Variants in DNAJC17 observed in about 807,000 individuals in gnomAD.
DNAJC17 encodes the protein DnaJ heat shock protein family (Hsp40) member C17, also known as dnaJ homolog subfamily C member 17.
Under a neutral mutation model 48.1 loss-of-function variants are expected in DNAJC17, and 35 were observed. The ratio of observed to expected loss-of-function variants is 0.73; its 90% CI spans 0.56 to 0.96. The LOEUF is 0.96. Among genes scored for constraint, DNAJC17 ranks in the 50% least tolerant of loss-of-function variants. DNAJC17 has a pLI of 0.00. For synonymous variants in DNAJC17, 117 were observed against 142.7 expected, an observed-to-expected ratio of 0.82 and a Z score of 1.28; for missense variants, 355 against 377.1, an observed-to-expected ratio of 0.94 and a Z score of 0.48.
At chr15:40,806,304 C>T (rs1044316246) in intron 1 of DNAJC17, among the ~76,000 whole-genome samples, 7 of 150,310 alleles carry the variant, frequency 4.7e-5, no homozygotes, top group Non-Finnish European at 8.9e-5. Flanking sequence ...CTGCAACCTC[C>T]GCCTCCCGGG....
At chr15:40,798,696 C>A (rs567888634) in intron 1 of DNAJC17, among the ~76,000 whole-genome samples, 30 of 152,086 alleles carry the variant, frequency 2.0e-4, no homozygotes, top group African/African-American at 7.2e-4. Context: ...GGAGTTGTGA[C>A]CAGAGGTGAC....
At position 40,799,094 on chromosome 15, in the gene DNAJC17, G is replaced by A. The variant is rs536949432; in HGVS notation, c.78+8275C>T. ...AAATTAGCCATGGTGGTGTGGTGGC[G>A]GGCGCCTGTAGTCCCAGCTACTCGG... On this transcript the variant is annotated intron_variant, in intron 1 of 10. Transcript: ENST00000220496. Among the ~76,000 whole-genome samples, 10 of 151,938 alleles carry A rather than the reference G, an allele frequency of 6.6e-5. 1 individual carries two copies. The highest frequency in any genetic ancestry group is 1.4e-4 in the African/African-American group (6 of 41,422).
At chr15:40,792,265 T>A (rs193257950) in intron 1 of DNAJC17, among the ~76,000 whole-genome samples, 2 of 152,202 alleles carry the variant, frequency 1.3e-5, no homozygotes, top group African/African-American at 4.8e-5. Context: ...GGTACCAAGA[T>A]AATAGCTAGC....
At chr15:40,783,692 G>A (rs1889564416) in intron 1 of DNAJC17, among the ~76,000 whole-genome samples, 1 of 150,926 alleles carries the variant, frequency 6.6e-6, no homozygotes, top group African/African-American at 2.4e-5. Context: ...GGTGAAACTT[G>A]TATCTACTAA....
At chr15:40,783,292 T>C (rs1889552991) in intron 1 of DNAJC17, among the ~76,000 whole-genome samples, 1 of 152,136 alleles carries the variant, frequency 6.6e-6, no homozygotes, top group African/African-American at 2.4e-5. Flanking sequence ...GACATCAAGG[T>C]TCATTAACAC....
intron 1 of DNAJC17, among the ~76,000 whole-genome samples, chr15:40,787,185 G>A (rs546256587): frequency 6.6e-6 from 1 of 152,320 alleles, no homozygotes; most frequent in Admixed American, 6.5e-5. Context: ...TACCTTAAAT[G>A]AGAGCATAAG....
In DNAJC17 at chr15:40,770,244, C is replaced by A; in HGVS notation, c.793-2182G>T. On this transcript the variant is annotated intron_variant, in intron 10 of 10. Coordinates refer to ENST00000220496, the MANE Select transcript of DNAJC17 (RefSeq NM_018163.3). This position sits in a 1 kb window ranked among gnomAD's most constrained non-coding sequence, Gnocchi z 5.0. ...TCCACTACCCTATTCAGTAACCAGGCCACTCCTGTCCCTGTGGGAAACTCT... is the reference window on the plus strand; with the variant it reads ...TCCACTACCCTATTCAGTAACCAGGACACTCCTGTCCCTGTGGGAAACTCT... 1.9e-6 allele frequency: 1 copy of A among 537,954 alleles called. No homozygotes were observed. Among genetic ancestry groups the A allele is most frequent in the Non-Finnish European group, 3.3e-6 (1 of 303,510 alleles). 33.3% of individuals were successfully genotyped at this position (537,954 alleles called of 1,614,324 possible). A position where few individuals can be genotyped will look rare whatever the true frequency, so the allele number is the denominator to read the frequency against.
chr15:40,767,306 C>CG lies in DNAJC17; in HGVS notation c.*633dup. On this transcript the variant is annotated 3_prime_UTR_variant, in exon 11 of 11. Transcript: ENST00000220496. ...AGGGGCTTCCGTGTGCTGAGCATGA[C>CG]GGGGGTGGGCCAGACGCTGGTGTGG... 6.2e-7 allele frequency: 1 copy of CG among 1,603,802 alleles called. No homozygotes were observed. The highest frequency in any genetic ancestry group is 8.5e-7 in the Non-Finnish European group (1 of 1,175,606).
Sources: allele counts gnomAD v4.1 joint callset (sites outside exome capture counted in the v4.1 genomes callset), GRCh38; gene constraint gnomAD v4.1.1; non-coding constraint Gnocchi (gnomAD v3.1); transcripts MANE v1.5; gene names NCBI Gene and HGNC (gene_info 2026-07-23, HGNC 2026-07-21).